Variants in MIS18A observed in about 807,000 individuals in gnomAD.
MIS18A encodes the protein MIS18 kinetochore protein A.
In MIS18A, 14 loss-of-function variants were observed where a neutral mutation model predicts 25.0. The ratio of observed to expected loss-of-function variants is 0.56; its 90% CI spans 0.37 to 0.88. The LOEUF (loss-of-function observed/expected upper bound fraction) is 0.88. Among genes scored for constraint, MIS18A ranks in the 40% least tolerant of loss-of-function variants. MIS18A has a pLI of 0.00. For missense variants in MIS18A, 292 were observed against 290.8 expected (o/e 1.00, Z -0.03); for synonymous variants, 134 against 118.6 (o/e 1.13, Z -0.84).
chr21:32,180,373 T>C, the MIS18A span, among the ~76,000 whole-genome samples: 1 of 152,140 alleles, frequency 6.6e-6, no homozygotes, highest in Non-Finnish European at 1.5e-5. Context: ...TATGCCACTT[T>C]CATTTCCCAA....
At chr21:32,229,448 T>A in the MIS18A span, among the ~76,000 whole-genome samples, 2 of 152,190 alleles carry the variant, frequency 1.3e-5, no homozygotes, top group Admixed American at 6.5e-5. Flanking sequence ...AATAAGCGCA[T>A]AACCGAAAGA....
chr21:32,248,080 C>T, the MIS18A span, among the ~76,000 whole-genome samples: 29 of 152,172 alleles, frequency 1.9e-4, no homozygotes, highest in Non-Finnish European at 3.4e-4. Flanking sequence ...AGCCCCAGAA[C>T]GGCTCTGGTC....
chr21:32,171,024 T>C, the MIS18A span, among the ~76,000 whole-genome samples: 1 of 152,088 alleles, frequency 6.6e-6, no homozygotes, highest in Non-Finnish European at 1.5e-5. Context: ...CCTACAGTTA[T>C]CATTATACTT....
chr21:32,220,619 G>A, the MIS18A span, among the ~76,000 whole-genome samples: 1 of 152,058 alleles, frequency 6.6e-6, no homozygotes, highest in African/African-American at 2.4e-5. Flanking sequence ...AAAACTAGAT[G>A]GAGAATGAGT....
At chr21:32,278,611 G>T (rs536207606) in intron 1 of MIS18A, 70 bp downstream of exon 1, 2 of 1,414,096 alleles carry the variant, frequency 1.4e-6, no homozygotes, top group Admixed American at 2.8e-5. Flanking sequence ...CTCCTCCCGG[G>T]CCGCCCACGC....
chr21:32,162,190 G>A, the MIS18A span, among the ~76,000 whole-genome samples: 1 of 152,028 alleles, frequency 6.6e-6, no homozygotes, highest in Non-Finnish European at 1.5e-5. Flanking sequence ...CCATCGCAGC[G>A]AGCTCTCAAA....
At chr21:32,216,526 G>T in the MIS18A span, among the ~76,000 whole-genome samples, 2 of 152,220 alleles carry the variant, frequency 1.3e-5, no homozygotes, top group Non-Finnish European at 2.9e-5. Flanking sequence ...GATAGCAGTT[G>T]GGGCAAATAA....
the MIS18A span, among the ~76,000 whole-genome samples, chr21:32,240,165 C>T: frequency 2.0e-5 from 3 of 152,190 alleles, no homozygotes; most frequent in African/African-American, 7.2e-5. Context: ...ACAGCAGAAC[C>T]AACATCAACC....
chr21:32,183,946 T>TA, the MIS18A span, among the ~76,000 whole-genome samples: 3 of 152,200 alleles, frequency 2.0e-5, no homozygotes, highest in East Asian at 3.9e-4. Context: ...ATACCATCCT[T>TA]AAAGGGGCTG....
At chr21:32,195,801 C>T in the MIS18A span, among the ~76,000 whole-genome samples, 1 of 152,052 alleles carries the variant, frequency 6.6e-6, no homozygotes, top group African/African-American at 2.4e-5. Flanking sequence ...AGGTGGATAC[C>T]TTGAGGTCAG....
chr21:32,264,693 G>A (rs1041434086), downstream of MIS18A, among the ~76,000 whole-genome samples: 5 of 152,120 alleles, frequency 3.3e-5, no homozygotes, highest in African/African-American at 1.2e-4. Context: ...CAAGCTGGGG[G>A]AAGCTTTGCT....
the MIS18A span, among the ~76,000 whole-genome samples, chr21:32,219,596 C>G: frequency 6.6e-6 from 1 of 152,138 alleles, no homozygotes; most frequent in Non-Finnish European, 1.5e-5. Flanking sequence ...TTTTCATACC[C>G]CAGTGGTGCC....
chr21:32,182,737 G>C, the MIS18A span, among the ~76,000 whole-genome samples: 3 of 152,200 alleles, frequency 2.0e-5, no homozygotes, highest in Non-Finnish European at 2.9e-5. Flanking sequence ...GAAACCCACA[G>C]TGTGAAGCTG....
the MIS18A span, among the ~76,000 whole-genome samples, chr21:32,198,311 AAAAAT>A: frequency 1.3e-5 from 2 of 152,244 alleles, no homozygotes; most frequent in Non-Finnish European, 2.9e-5. Flanking sequence ...GAATGAGAAT[AAAAAT>A]AAAATTAAAA....
downstream of MIS18A, among the ~76,000 whole-genome samples, chr21:32,266,639 A>T (rs1404996533): frequency 6.6e-6 from 1 of 151,788 alleles, no homozygotes; most frequent in Non-Finnish European, 1.5e-5. Context: ...CTGCAGCTTC[A>T]CTCCTGAGCC....
the MIS18A span, among the ~76,000 whole-genome samples, chr21:32,180,851 C>T: frequency 4.6e-5 from 7 of 152,174 alleles, no homozygotes; most frequent in Non-Finnish European, 8.8e-5. Flanking sequence ...CTCTTCTGAA[C>T]ATTGGATCTT....
the MIS18A span, among the ~76,000 whole-genome samples, chr21:32,174,896 G>C: frequency 6.6e-6 from 1 of 152,258 alleles, no homozygotes; most frequent in Non-Finnish European, 1.5e-5. Context: ...TCAAATATAA[G>C]AGAACTGAAA....
At chr21:32,207,762 A>G in the MIS18A span, among the ~76,000 whole-genome samples, 1 of 152,194 alleles carries the variant, frequency 6.6e-6, no homozygotes, top group African/African-American at 2.4e-5. Context: ...CAAGTTCACC[A>G]AACATCTATT....
the MIS18A span, among the ~76,000 whole-genome samples, chr21:32,171,583 T>C: frequency 6.6e-6 from 1 of 152,072 alleles, no homozygotes; most frequent in Non-Finnish European, 1.5e-5. Flanking sequence ...CTATATGGTA[T>C]AGCCTATTGC....
Sources: gnomAD v4.1 joint callset for allele counts (sites outside exome capture counted in the v4.1 genomes callset) on GRCh38, gnomAD v4.1.1 for gene constraint, MANE v1.5 for transcripts, NCBI Gene and HGNC (gene_info 2026-07-23, HGNC 2026-07-21) for gene names.